Variants in NTN1 observed in about 807,000 individuals in gnomAD.
NTN1 encodes netrin 1, also known as netrin-1.
NTN1 carries 11 observed loss-of-function variants against 54.2 expected under a neutral mutation model. The ratio of observed to expected loss-of-function variants is 0.20; its 90% CI spans 0.13 to 0.34. NTN1 has a LOEUF of 0.34. Among genes scored for constraint, NTN1 ranks in the 10% least tolerant of loss-of-function variants. NTN1 has a pLI of 1.00. For missense variants in NTN1, 740 were observed against 893.1 expected, an observed-to-expected ratio of 0.83 and a Z score of 2.18; for synonymous variants, 371 against 382.0, an observed-to-expected ratio of 0.97 and a Z score of 0.33.
chr17:9,202,452 G>C (rs1904826236), intron 5 of NTN1, among the ~76,000 whole-genome samples: 1 of 152,174 alleles, frequency 6.6e-6, no homozygotes, highest in South Asian at 2.1e-4. Context: ...AGGGTCATTT[G>C]AGTCTGTGGG....
chr17:9,120,284 CA>C (rs35302549), intron 2 of NTN1, among the ~76,000 whole-genome samples: 2,881 of 98,380 alleles, frequency 0.029, 54 homozygotes, highest in East Asian at 0.18. Flanking sequence ...GACTCCGTCT[CA>C]AAAAAAAAAA....
At chr17:9,030,321 T>G (rs1160136086) in intron 2 of NTN1, among the ~76,000 whole-genome samples, 1 of 152,246 alleles carries the variant, frequency 6.6e-6, no homozygotes, top group Non-Finnish European at 1.5e-5. Flanking sequence ...TGTGCTCCGC[T>G]CTTGCCTGTG....
chr17:9,197,847 C>T (rs931306817), intron 5 of NTN1, among the ~76,000 whole-genome samples: 1 of 152,080 alleles, frequency 6.6e-6, no homozygotes, highest in African/African-American at 2.4e-5. Flanking sequence ...TCCTTCAGCC[C>T]AAGGATTAGG....
chr17:9,047,758 G>A (rs1004108641), intron 2 of NTN1, among the ~76,000 whole-genome samples: 1 of 151,058 alleles, frequency 6.6e-6, no homozygotes, highest in East Asian at 1.9e-4. Flanking sequence ...GCAATGGCGC[G>A]ATCTCGGCTC....
rs1597491056 is a variant in NTN1, at chr17:9,110,681, G to C, written c.1019-52132G>C. On this transcript the variant is annotated intron_variant, in intron 2 of 6. Transcript: ENST00000173229. ...CAGAAAGGTGTTTTCTCCTATTTCA[G>C]GAGGCCAGAAGTCCACAGTCAGGGT... Among the ~76,000 whole-genome samples, 3 of 152,170 alleles carry C rather than the reference G, an allele frequency of 2.0e-5. No homozygotes were observed. In the South Asian group the frequency reaches 6.2e-4, roughly 31 times the overall value.
chr17:9,042,060 C>T (rs1287213574), intron 2 of NTN1, among the ~76,000 whole-genome samples: 3 of 151,376 alleles, frequency 2.0e-5, no homozygotes, highest in Non-Finnish European at 4.4e-5. Flanking sequence ...TTGAGGAATG[C>T]CAGATTGGTT....
intron 2 of NTN1, among the ~76,000 whole-genome samples, chr17:9,126,953 T>G (rs531328937): frequency 2.0e-5 from 3 of 151,714 alleles, no homozygotes; most frequent in East Asian, 3.9e-4. Flanking sequence ...ACCACGTGTC[T>G]CATGCATATC....
At chr17:9,123,395 G>T (rs567224797) in intron 2 of NTN1, among the ~76,000 whole-genome samples, 1 of 152,108 alleles carries the variant, frequency 6.6e-6, no homozygotes, top group Non-Finnish European at 1.5e-5. Flanking sequence ...GTAACTTTCC[G>T]TCCATCTTTT....
chr17:9,096,081 G>A (rs2092131113), intron 2 of NTN1, among the ~76,000 whole-genome samples: 1 of 152,174 alleles, frequency 6.6e-6, no homozygotes, highest in South Asian at 2.1e-4. Context: ...ACAGGCGTGA[G>A]CAACTGCTTC....
intron 2 of NTN1, among the ~76,000 whole-genome samples, chr17:9,117,388 G>A (rs1597493862): frequency 6.6e-6 from 1 of 152,178 alleles, no homozygotes; most frequent in Non-Finnish European, 1.5e-5. Flanking sequence ...CTCCTCAGAA[G>A]CATGAGGACA....
At chr17:9,063,704 C>T (rs970631975) in intron 2 of NTN1, among the ~76,000 whole-genome samples, 3 of 152,108 alleles carry the variant, frequency 2.0e-5, no homozygotes, top group Admixed American at 6.5e-5. Flanking sequence ...CCCGCCACCA[C>T]GCCTGGCTAA....
chr17:9,134,402 G>A (rs369503614), intron 2 of NTN1, among the ~76,000 whole-genome samples: 1 of 152,118 alleles, frequency 6.6e-6, no homozygotes, highest in South Asian at 2.1e-4. Context: ...TTCTGTGCCC[G>A]GCTGGGGTTG....
chr17:9,135,289 G>A lies in NTN1; in HGVS notation c.1019-27524G>A, dbSNP rs965108306. 2.0e-5 allele frequency among the ~76,000 whole-genome samples: 3 copies of A among 152,262 alleles called. No homozygotes were observed. The highest frequency in any genetic ancestry group is 7.2e-5 in the African/African-American group (3 of 41,546). ...GAGCAGCTGCCACCTGGGTCTGAAT[G>A]TGTCCCCCAGACCCAACACCTCTTT... On this transcript the variant is annotated intron_variant, in intron 2 of 6. Coordinates refer to ENST00000173229, the MANE Select transcript of NTN1 (RefSeq NM_004822.3). The surrounding 1 kb of genome is among the most constrained non-coding windows in gnomAD (Gnocchi z 4.4).
At chr17:9,106,494 T>TTCCTTCCTTCCC (rs2142247253) in intron 2 of NTN1, among the ~76,000 whole-genome samples, 1 of 143,528 alleles carries the variant, frequency 7.0e-6, no homozygotes, top group South Asian at 2.4e-4. Flanking sequence ...CCTTCCTTCC[T>TTCCTTCCTTCCC]TCCTTCCTTC....
intron 5 of NTN1, among the ~76,000 whole-genome samples, chr17:9,205,172 C>T (rs1188310118): frequency 6.6e-6 from 1 of 152,168 alleles, no homozygotes; most frequent in African/African-American, 2.4e-5. Flanking sequence ...GCTGTGAACA[C>T]CACTTTATCT....
intron 2 of NTN1, among the ~76,000 whole-genome samples, chr17:9,064,935 T>A (rs1056872364): frequency 1.2e-4 from 18 of 152,286 alleles, no homozygotes; most frequent in African/African-American, 4.1e-4. Flanking sequence ...ATTTTATTTT[T>A]ATTAATTAAT....
chr17:9,207,597 G>A (rs978115381), intron 5 of NTN1, among the ~76,000 whole-genome samples: 1 of 152,154 alleles, frequency 6.6e-6, no homozygotes, highest in African/African-American at 2.4e-5. Flanking sequence ...TTCCTTGGTC[G>A]CCTGTCTGCC....
chr17:9,021,552 G>T lies in NTN1; in HGVS notation c.-97G>T. On this transcript the variant is annotated 5_prime_UTR_variant, in exon 1 of 7. Transcript: ENST00000173229. ...CGGCGGCGGCGGAGCCTTCGGGGGC[G>T]AGCGCGCGTGTGTGTGAGTGCGCGC... 2 of 151,712 alleles carry T rather than the reference G, an allele frequency of 1.3e-5. No homozygotes were observed. Among genetic ancestry groups the T allele is most frequent in the South Asian group, 3.7e-4 (2 of 5,410 alleles). 9.4% of individuals were successfully genotyped at this position (151,712 alleles called of 1,614,324 possible). A position where few individuals can be genotyped will look rare whatever the true frequency, so the allele number is the denominator to read the frequency against.
At chr17:9,144,476 G>C (rs1227341615) in intron 2 of NTN1, among the ~76,000 whole-genome samples, 1 of 152,198 alleles carries the variant, frequency 6.6e-6, no homozygotes, top group Non-Finnish European at 1.5e-5. Context: ...CACAGGATTT[G>C]AACTCCTGCA....
Sources: allele counts gnomAD v4.1 joint callset (sites outside exome capture counted in the v4.1 genomes callset), GRCh38; gene constraint gnomAD v4.1.1; non-coding constraint Gnocchi (gnomAD v3.1); transcripts MANE v1.5; gene names NCBI Gene and HGNC (gene_info 2026-07-23, HGNC 2026-07-21).